DENND1A: variants seen among roughly 807,000 people sequenced by gnomAD.
DENND1A encodes DENN domain containing 1A, also known as DENN domain-containing protein 1A.
A neutral mutation model predicts 113.7 loss-of-function variants in DENND1A; 51 were observed. That is an observed-to-expected ratio of 0.45 (90% confidence interval 0.36 to 0.57). The LOEUF (loss-of-function observed/expected upper bound fraction) is 0.57. Among genes scored for constraint, DENND1A ranks in the 20% least tolerant of loss-of-function variants. The pLI is 0.00. For missense variants in DENND1A, 1,258 were observed against 1,395.9 expected, an observed-to-expected ratio of 0.90 and a Z score of 1.57; for synonymous variants, 565 against 570.8, an observed-to-expected ratio of 0.99 and a Z score of 0.14.
chr9:123,610,949 C>T (rs970440562), intron 10 of DENND1A, among the ~76,000 whole-genome samples: 5 of 152,178 alleles, frequency 3.3e-5, no homozygotes, highest in East Asian at 1.9e-4. Context: ...TCCCTCATTA[C>T]CATTCAACAA....
chr9:123,842,603 C>T (rs1841994190), intron 2 of DENND1A, among the ~76,000 whole-genome samples: 1 of 152,030 alleles, frequency 6.6e-6, no homozygotes, highest in Admixed American at 6.6e-5. Context: ...CTGAATAGAC[C>T]TATAGCAAGA....
intron 19 of DENND1A, among the ~76,000 whole-genome samples, chr9:123,439,346 T>C (rs1341585264): frequency 6.6e-6 from 1 of 152,140 alleles, no homozygotes; most frequent in Admixed American, 6.5e-5. Context: ...TAGAGAAGAG[T>C]GACTTTTATG....
At chr9:123,466,462 G>A (rs2048959164) in intron 13 of DENND1A, among the ~76,000 whole-genome samples, 1 of 152,106 alleles carries the variant, frequency 6.6e-6, no homozygotes, top group Admixed American at 6.6e-5. Flanking sequence ...ACCACACCCA[G>A]CTAATTTTTG....
At chr9:123,820,534 C>T (rs1484289848) in intron 2 of DENND1A, among the ~76,000 whole-genome samples, 1 of 152,132 alleles carries the variant, frequency 6.6e-6, no homozygotes, top group Admixed American at 6.5e-5. Flanking sequence ...GAGCTCCCTG[C>T]TGAATGACTG....
intron 21 of DENND1A, among the ~76,000 whole-genome samples, chr9:123,392,347 T>C (rs550582095): frequency 6.6e-6 from 1 of 152,292 alleles, no homozygotes; most frequent in East Asian, 1.9e-4. Context: ...TTAAATGTAC[T>C]TGAGATAAAG....
intron 3 of DENND1A, among the ~76,000 whole-genome samples, chr9:123,772,374 A>T (rs1829859619): frequency 6.6e-6 from 1 of 152,190 alleles, no homozygotes; most frequent in Admixed American, 6.5e-5. Context: ...TTTCAATATT[A>T]ACTTTATTGG....
chr9:123,520,357 G>C (rs2054297234), intron 13 of DENND1A, among the ~76,000 whole-genome samples: 1 of 152,164 alleles, frequency 6.6e-6, no homozygotes, highest in Admixed American at 6.5e-5. Flanking sequence ...TACTCGGGAG[G>C]CTGAGGCAGG....
Position 123,609,901 on chromosome 9 carries a change from G to A in DENND1A, c.720-420C>T, listed in dbSNP as rs2060336600. Reference sequence around the variant, plus strand: ...TGCCATGATTACAACAGAAAAAGCAGTTAAGGTTGGATGAAGGGCATAATG... The same window carrying A: ...TGCCATGATTACAACAGAAAAAGCAATTAAGGTTGGATGAAGGGCATAATG... On this transcript the variant is annotated intron_variant, in intron 10 of 23. Coordinates refer to ENST00000394215, the MANE Select transcript of DENND1A (RefSeq NM_001352964.2). Among the ~76,000 whole-genome samples, 4 of 152,368 alleles carry A rather than the reference G, an allele frequency of 2.6e-5. No homozygotes were observed. In the South Asian group the frequency reaches 8.3e-4, roughly 32 times the overall value.
chr9:123,743,636 G>C (rs980286496), intron 5 of DENND1A, among the ~76,000 whole-genome samples: 2 of 151,724 alleles, frequency 1.3e-5, no homozygotes, highest in African/African-American at 2.4e-5. Context: ...GGAGGCTGAG[G>C]CAGGAGAATC....
At chr9:123,786,535 T>C (rs1418336558) in intron 3 of DENND1A, among the ~76,000 whole-genome samples, 1 of 152,208 alleles carries the variant, frequency 6.6e-6, no homozygotes, top group East Asian at 1.9e-4. Flanking sequence ...TCTCTCCTCC[T>C]CTTTACCTGC....
chr9:123,409,008 G>A (rs1395132555), intron 20 of DENND1A, among the ~76,000 whole-genome samples: 1 of 152,206 alleles, frequency 6.6e-6, no homozygotes, highest in African/African-American at 2.4e-5. Flanking sequence ...AACAAAGAGA[G>A]ACAGTGGAGA....
At position 123,411,808 on chromosome 9, in the gene DENND1A, G is replaced by T; in HGVS notation, c.1510C>A (p.Arg504=). 1.0e-6 allele frequency: 1 copy of T among 985,942 alleles called. No individual in the cohort carries two copies. Among genetic ancestry groups the T allele is most frequent in the African/African-American group, 1.7e-5 (1 of 57,328 alleles). The allele number at this position is 985,942 out of a possible 1,614,324, so 61.1% of individuals were successfully genotyped here. ...GAGCGCTGTATCTTGGGAGGCGGTC[G>T]GGTGGGACGCAGTCTCTGCAGCTGC... ...FGQLQRLRPT[R]PPPKIQRSRP... The change falls in exon 20 of 24, where the codon CGA becomes AGA. Residue 504 remains arginine (R), a synonymous_variant. Coordinates refer to ENST00000394215, the MANE Select transcript of DENND1A (RefSeq NM_001352964.2).
intron 2 of DENND1A, among the ~76,000 whole-genome samples, chr9:123,851,655 A>G (rs1843380496): frequency 6.6e-6 from 1 of 152,222 alleles, no homozygotes; most frequent in Non-Finnish European, 1.5e-5. Flanking sequence ...CCAAAGTAGA[A>G]AAGGCGGGCT....
chr9:123,382,287 C>G lies in DENND1A; in HGVS notation c.2358G>C (p.Gln786His). 6.2e-7 allele frequency: 1 copy of G among 1,611,154 alleles called. No homozygotes were observed. The highest frequency in any genetic ancestry group is 8.5e-7 in the Non-Finnish European group (1 of 1,179,658). ...PPPIPRPAKLQAAGAALGDVS... is the reference protein window; with the variant it reads ...PPPIPRPAKLHAAGAALGDVS... The stretch of plus-strand genomic sequence containing the variant: ...CGTCACCAAGTGCGGCGCCGGCAGC[C>G]TGGAGCTTGGCCGGGCGGGGAATGG... The change falls in exon 24 of 24, where the codon CAG (glutamine) becomes CAC (histidine). Residue 786 changes from glutamine to histidine, a missense_variant. Gln to His is a conservative substitution (Grantham distance 24, BLOSUM62 0). This residue lies in a region of DENND1A where 1,159 missense variants were observed against 1,231.7 expected (regional missense o/e 0.94). Transcript: ENST00000394215.
At chr9:123,798,725 C>CA (rs59256751) in intron 2 of DENND1A, among the ~76,000 whole-genome samples, 2,927 of 68,056 alleles carry the variant, frequency 0.043, 42 homozygotes, top group East Asian at 0.081. Context: ...GTGCTGGAGG[C>CA]AAAAAAAAAA....
At chr9:123,584,775 C>T (rs2059082070) in intron 11 of DENND1A, among the ~76,000 whole-genome samples, 1 of 152,126 alleles carries the variant, frequency 6.6e-6, no homozygotes, top group Non-Finnish European at 1.5e-5. Flanking sequence ...CACCATCCAC[C>T]TCCTCATCGT....
rs112815005 is a variant in DENND1A, at chr9:123,652,510, A to G, written c.508-387T>C. Among the ~76,000 whole-genome samples, 700 of 152,336 alleles carry G rather than the reference A, an allele frequency of 4.6e-3. 4 individuals carry two copies. The highest frequency in any genetic ancestry group is 0.016 in the African/African-American group (668 of 41,586). ...GCAATGAAGACAGGACTGCTGCTCA[A>G]ATCTTTGGGCCCCAGATCCTAGAAC... On this transcript the variant is annotated intron_variant, in intron 8 of 23. Coordinates refer to ENST00000394215, the MANE Select transcript of DENND1A (RefSeq NM_001352964.2).
intron 8 of DENND1A, among the ~76,000 whole-genome samples, chr9:123,659,896 T>C (rs2063143932): frequency 1.3e-5 from 2 of 152,248 alleles, no homozygotes; most frequent in Non-Finnish European, 2.9e-5. Context: ...TCAACACTGC[T>C]AGAGCTCAAC....
chr9:123,546,561 AAAC>A (rs1040734552), intron 13 of DENND1A, among the ~76,000 whole-genome samples: 3 of 152,124 alleles, frequency 2.0e-5, no homozygotes, highest in African/African-American at 4.8e-5. Context: ...CAAAAAAAAA[AAAC>A]AACAACTAAG....
Sources: gnomAD v4.1 joint callset for allele counts (sites outside exome capture counted in the v4.1 genomes callset) on GRCh38, gnomAD v4.1.1 for gene constraint, gnomAD v4.1.1 regional missense constraint, MANE v1.5 for transcripts, NCBI Gene and HGNC (gene_info 2026-07-23, HGNC 2026-07-21) for gene names.